Variants in FARS2 observed in about 807,000 individuals in gnomAD.
FARS2 encodes the protein phenylalanine--tRNA ligase, mitochondrial.
A neutral mutation model predicts 46.4 loss-of-function variants in FARS2; 40 were observed. That is an observed-to-expected ratio of 0.86 (90% CI 0.67 to 1.12). FARS2 has a LOEUF of 1.12. FARS2 is among the 50% of genes most tolerant of loss of function. The pLI is 0.00. For missense variants in FARS2, 513 were observed against 567.9 expected (o/e 0.90, Z 0.98); for synonymous variants, 234 against 214.9 (o/e 1.09, Z -0.78).
At chr6:5,340,874 G>A (rs937987271) in intron 1 of FARS2, among the ~76,000 whole-genome samples, 5 of 152,042 alleles carry the variant, frequency 3.3e-5, no homozygotes, top group Admixed American at 1.3e-4. Flanking sequence ...GAGGCCGGGC[G>A]CGGTGGCTCA....
chr6:5,720,282 A>G (rs775804040), intron 6 of FARS2, among the ~76,000 whole-genome samples: 1 of 152,234 alleles, frequency 6.6e-6, no homozygotes, highest in African/African-American at 2.4e-5. Context: ...TCTGGGGCTT[A>G]CAGACTCTTG....
intron 2 of FARS2, among the ~76,000 whole-genome samples, chr6:5,376,965 A>G (rs970527973): frequency 1.3e-5 from 2 of 152,234 alleles, no homozygotes; most frequent in African/African-American, 2.4e-5. Context: ...ATCAGGCATC[A>G]TATCATTCTT....
chr6:5,366,573 TC>T, intron 1 of FARS2, among the ~76,000 whole-genome samples: 1 of 152,218 alleles, frequency 6.6e-6, no homozygotes, highest in Admixed American at 6.5e-5. Context: ...CCTCAAACTT[TC>T]ATCGGCAAGC....
intron 6 of FARS2, among the ~76,000 whole-genome samples, chr6:5,638,377 C>G (rs1484971032): frequency 6.6e-6 from 1 of 152,136 alleles, no homozygotes; most frequent in Non-Finnish European, 1.5e-5. Context: ...CCAATGTGGC[C>G]ACCTTGGTGA....
At chr6:5,615,840 C>T (rs894116136) in intron 6 of FARS2, among the ~76,000 whole-genome samples, 3 of 151,832 alleles carry the variant, frequency 2.0e-5, no homozygotes, top group African/African-American at 4.8e-5. Context: ...TTCTAGAATG[C>T]CAAGAAACCA....
intron 1 of FARS2, among the ~76,000 whole-genome samples, chr6:5,353,726 G>GTTTTTTTTTTTTTTTTTTTTT (rs55998904): frequency 6.2e-4 from 25 of 40,380 alleles, no homozygotes; most frequent in Middle Eastern, 0.017. Context: ...AATATTTGGT[G>GTTTTTTTTTTTTTTTTTTTTT]TTTTTTTTTT....
At chr6:5,251,544 T>C in the FARS2 span, among the ~76,000 whole-genome samples, 2 of 152,082 alleles carry the variant, frequency 1.3e-5, no homozygotes, top group African/African-American at 2.4e-5. Context: ...AGGAAGGAGA[T>C]GCCACATACT....
At chr6:5,268,314 C>G (rs972919224) in intron 1 of FARS2, among the ~76,000 whole-genome samples, 1 of 151,920 alleles carries the variant, frequency 6.6e-6, no homozygotes, top group Non-Finnish European at 1.5e-5. Flanking sequence ...CCTAGGTTTT[C>G]TTCTAGGGTT....
At chr6:5,751,471 T>G (rs1411056820) in intron 6 of FARS2, among the ~76,000 whole-genome samples, 1 of 152,254 alleles carries the variant, frequency 6.6e-6, no homozygotes, top group African/African-American at 2.4e-5. Context: ...CTCACCCACA[T>G]TCATTCTAGT....
intron 4 of FARS2, among the ~76,000 whole-genome samples, chr6:5,544,769 T>C (rs1201694212): frequency 6.6e-6 from 1 of 152,212 alleles, no homozygotes; most frequent in African/African-American, 2.4e-5. Context: ...TGGCATGTTT[T>C]GAATGTATCT....
At chr6:5,440,645 C>G (rs1236888632) in intron 4 of FARS2, among the ~76,000 whole-genome samples, 3 of 152,164 alleles carry the variant, frequency 2.0e-5, no homozygotes, top group Admixed American at 6.5e-5. Flanking sequence ...TCTCTTTACT[C>G]TTTACATTTA....
intron 3 of FARS2, among the ~76,000 whole-genome samples, chr6:5,420,732 G>T (rs539400951): frequency 2.6e-5 from 4 of 152,174 alleles, no homozygotes; most frequent in Admixed American, 2.6e-4. Flanking sequence ...CCATAGGCTG[G>T]TGTTGAGTGT....
intron 6 of FARS2, among the ~76,000 whole-genome samples, chr6:5,686,344 C>G (rs1757211608): frequency 6.6e-6 from 1 of 150,724 alleles, no homozygotes; most frequent in Non-Finnish European, 1.5e-5. Flanking sequence ...TAATGCTCTC[C>G]CCCCCCGCTG....
intron 1 of FARS2, among the ~76,000 whole-genome samples, chr6:5,269,363 A>G (rs1765784367): frequency 6.6e-6 from 1 of 151,822 alleles, no homozygotes; most frequent in Non-Finnish European, 1.5e-5. Context: ...GGGGAGGGAT[A>G]GCATTAGGAG....
At chr6:5,432,427 A>G (rs1763264898) in intron 4 of FARS2, among the ~76,000 whole-genome samples, 1 of 128,694 alleles carries the variant, frequency 7.8e-6, no homozygotes, top group Non-Finnish European at 1.6e-5. Flanking sequence ...TATATAATAT[A>G]TTATAAATAT....
intron 6 of FARS2, among the ~76,000 whole-genome samples, chr6:5,644,200 T>A (rs1316034470): frequency 6.6e-6 from 1 of 151,980 alleles, no homozygotes; most frequent in Non-Finnish European, 1.5e-5. Context: ...GTCATGTTTG[T>A]TGTTTCTTTT....
chr6:5,695,205 A>G (rs1241221240), intron 6 of FARS2: 2 of 152,260 alleles, frequency 1.3e-5, no homozygotes, highest in Admixed American at 6.5e-5. Flanking sequence ...TTCAAGAAGC[A>G]TAAATCCCAG....
intron 6 of FARS2, among the ~76,000 whole-genome samples, chr6:5,641,135 CCTTCA>C (rs964087529): frequency 6.6e-5 from 10 of 152,080 alleles, no homozygotes; most frequent in African/African-American, 1.9e-4. Flanking sequence ...TTCAGAACAC[CCTTCA>C]CTTCCCTGGG....
At chr6:5,618,639 G>A (rs1180192528) in intron 6 of FARS2, among the ~76,000 whole-genome samples, 1 of 152,174 alleles carries the variant, frequency 6.6e-6, no homozygotes, top group Non-Finnish European at 1.5e-5. Flanking sequence ...ATAACAGCTT[G>A]TGCCCTGAAG....
Sources: allele counts gnomAD v4.1 joint callset (sites outside exome capture counted in the v4.1 genomes callset), GRCh38; gene constraint gnomAD v4.1.1; transcripts MANE v1.5; gene names NCBI Gene and HGNC (gene_info 2026-07-23, HGNC 2026-07-21).